The following HGF variants were observed in gnomAD, a reference collection of about 807,000 sequenced individuals.
HGF encodes fibroblast-derived tumor cytotoxic factor.
HGF carries 39 observed loss-of-function variants against 111.6 expected under a neutral mutation model. The observed-to-expected ratio is 0.35, with a 90% CI of 0.27 to 0.46. The LOEUF is 0.46. Among genes scored for constraint, HGF ranks in the 20% least tolerant of loss-of-function variants. The pLI, the probability that HGF is intolerant of heterozygous loss-of-function variation, is 1.00. For missense variants in HGF, 735 were observed against 910.5 expected (o/e 0.81, Z 2.48); for synonymous variants, 285 against 294.8 (o/e 0.97, Z 0.34).
rs1332434899 is a variant in HGF at position 81,706,333 on chromosome 7, C to A, written c.1711G>T (p.Val571Leu). Reference protein sequence around the residue: ...CKQVLNVSQLVYGPEGSDLVL... With the variant: ...CKQVLNVSQLLYGPEGSDLVL... ...AGATCTGATCCTTCAGGGCCATATA[C>A]CAGCTGGGAAACATTGAGAACCTGT... is the stretch of plus-strand genomic sequence containing the variant. Residue 571 changes from valine to leucine, a missense_variant, in exon 15 of 18, where the codon GTA (valine) becomes TTA (leucine). By Grantham distance (32) the Val-to-Leu change is conservative. Transcript: ENST00000222390. 6.2e-7 allele frequency: 1 copy of A among 1,612,528 alleles called. No homozygotes were observed. The highest frequency in any genetic ancestry group is 8.5e-7 in the Non-Finnish European group (1 of 1,178,988).
rs368271908 is a variant in HGF, at chr7:81,736,894, GGT to G, written c.865+6457_865+6458del. Among the ~76,000 whole-genome samples the G allele has an allele frequency of 1.3e-3, 178 of 141,990 alleles. 1 individual carries two copies. Among genetic ancestry groups the G allele is most frequent in the Middle Eastern group, 7.1e-3 (2 of 282 alleles). The allele number at this position is 141,990 out of a possible 152,430, so 93.2% of individuals were successfully genotyped here. On this transcript the variant is annotated intron_variant, in intron 7 of 17. Transcript: ENST00000222390. The stretch of plus-strand genomic sequence containing the variant: ...AGGGTTTTTAATTTATGTGTAGAGG[GGT>G]GTGTGTGTGTGTGTGTGTGTGTGTG...
intron 7 of HGF, among the ~76,000 whole-genome samples, chr7:81,732,628 T>C (rs915687903): frequency 7.2e-5 from 11 of 152,124 alleles, no homozygotes; most frequent in Non-Finnish European, 1.6e-4. Flanking sequence ...AGTGGAAATA[T>C]ACCTTATAAA....
chr7:81,712,884 T>C (rs1021673647), intron 11 of HGF, among the ~76,000 whole-genome samples: 5 of 152,194 alleles, frequency 3.3e-5, no homozygotes, highest in Non-Finnish European at 4.4e-5. Flanking sequence ...ATATTTTAAA[T>C]GAATAGGTTA....
intron 5 of HGF, among the ~76,000 whole-genome samples, chr7:81,750,643 G>A (rs374349217): frequency 3.3e-5 from 5 of 152,154 alleles, no homozygotes; most frequent in African/African-American, 9.6e-5. Flanking sequence ...TTATAAACCC[G>A]TAGTGGAAAA....
Position 81,761,341 on chromosome 7 carries a change from A to T in HGF, c.254+1366T>A, listed in dbSNP as rs141329927. On this transcript the variant is annotated intron_variant, in intron 2 of 17. Coordinates refer to ENST00000222390, the MANE Select transcript of HGF (RefSeq NM_000601.6). Reference sequence around the variant, plus strand: ...TGGCAGTTTCACTCTAGAAATGGAAAGCAGACAGTCTTTCCTCAACCTAAA... The same window carrying T: ...TGGCAGTTTCACTCTAGAAATGGAATGCAGACAGTCTTTCCTCAACCTAAA... 9.2e-4 allele frequency among the ~76,000 whole-genome samples: 140 copies of T among 152,354 alleles called. 1 individual carries two copies. Among genetic ancestry groups the T allele is most frequent in the African/African-American group, 3.3e-3 (136 of 41,584 alleles).
chr7:81,736,826 G>C (rs2115972753), intron 7 of HGF: 1 of 439,122 alleles, frequency 2.3e-6, no homozygotes. Context: ...GGTAACAGAT[G>C]GTTATGTTTT....
intron 17 of HGF, 82 bp from the exon 18 acceptor site, chr7:81,702,839 C>T: frequency 8.8e-7 from 1 of 1,136,822 alleles, no homozygotes; most frequent in Non-Finnish European, 1.3e-6. Flanking sequence ...AGATTTGCAT[C>T]TCAGAGATAT....
At chr7:81,767,691 G>A (rs552160994) in intron 1 of HGF, among the ~76,000 whole-genome samples, 1 of 152,224 alleles carries the variant, frequency 6.6e-6, no homozygotes, top group South Asian at 2.1e-4. Context: ...TTTTAAAAAA[G>A]TATCTCCATA....
chr7:81,753,505 T>C (rs2116137024), intron 4 of HGF, among the ~76,000 whole-genome samples: 1 of 152,128 alleles, frequency 6.6e-6, no homozygotes, highest in Non-Finnish European at 1.5e-5. Flanking sequence ...TCCTACCCAA[T>C]GAAACTTCTA....
chr7:81,767,392 T>C (rs1442464093), intron 1 of HGF, among the ~76,000 whole-genome samples: 1 of 152,202 alleles, frequency 6.6e-6, no homozygotes, highest in Non-Finnish European at 1.5e-5. Context: ...ACTGAGGTCT[T>C]TGAACCGGCT....
At chr7:81,753,156 C>T (rs1173365379) in intron 4 of HGF, among the ~76,000 whole-genome samples, 1 of 151,958 alleles carries the variant, frequency 6.6e-6, no homozygotes, top group Non-Finnish European at 1.5e-5. Flanking sequence ...TTTCTAGTGC[C>T]CTACTCTTAG....
At chr7:81,705,248 CAG>C (rs1339009053) in intron 17 of HGF, 140 bp downstream of exon 17, 2 of 754,252 alleles carry the variant, frequency 2.7e-6, no homozygotes, top group East Asian at 5.3e-5. Context: ...CAGAATATTA[CAG>C]AGTTAATTTT....
Position 81,752,233 on chromosome 7 carries a change from T to A in HGF, c.512A>T (p.Asp171Val), listed in dbSNP as rs2116123332. 1 of 1,613,542 alleles carries A rather than the reference T, an allele frequency of 6.2e-7. No individual in the cohort carries two copies. Among genetic ancestry groups the A allele is most frequent in the Non-Finnish European group, 8.5e-7 (1 of 1,179,538 alleles). ...ATTTCGACAGTAGTTTTCCTGTAGGTCTTTACCCCGATAGCTCGAAGGCAA... is the reference window on the plus strand; with the variant it reads ...ATTTCGACAGTAGTTTTCCTGTAGGACTTTACCCCGATAGCTCGAAGGCAA... ...SFLPSSYRGK[D>V]LQENYCRNPR... The change falls in exon 5 of 18, where the codon GAC becomes GTC. Residue 171 changes from aspartate to valine, a missense_variant. By Grantham distance (152) the Asp-to-Val change is radical. This residue lies in a region of HGF where 553 missense variants were observed against 685.6 expected (regional missense o/e 0.81). Coordinates refer to ENST00000222390, the MANE Select transcript of HGF (RefSeq NM_000601.6).
intron 10 of HGF, 61 bp from the exon 11 acceptor site, chr7:81,717,426 T>A: frequency 6.8e-7 from 1 of 1,465,814 alleles, no homozygotes; most frequent in Admixed American, 1.7e-5. Flanking sequence ...AGACACAAAA[T>A]ATTACAAAAA....
At chr7:81,728,501 G>GT (rs1790079032) in intron 8 of HGF, among the ~76,000 whole-genome samples, 1 of 152,028 alleles carries the variant, frequency 6.6e-6, no homozygotes, top group African/African-American at 2.4e-5. Context: ...CTGTTTCTTT[G>GT]TTTTTTCTAC....
At chr7:81,723,370 A>G (rs923011172) in intron 9 of HGF, among the ~76,000 whole-genome samples, 29 of 152,136 alleles carry the variant, frequency 1.9e-4, no homozygotes, top group Middle Eastern at 3.2e-3. Context: ...GATGAAAATA[A>G]AGACAGAAAT....
Position 81,713,023 on chromosome 7 carries a change from C to A in HGF, c.1406-1504G>T, listed in dbSNP as rs142163767. ...TTAAGATTGAGGCGGACTATGGTAA[C>A]AAAACTTCAAGGATATTGGTTTTCC... On this transcript the variant is annotated intron_variant, in intron 11 of 17. Transcript: ENST00000222390. 2.2e-4 allele frequency among the ~76,000 whole-genome samples: 33 copies of A among 152,146 alleles called. No individual in the cohort carries two copies. In the East Asian group the frequency reaches 6.4e-3, roughly 29 times the overall value.
At chr7:81,718,994 A>T (rs186830150) in intron 10 of HGF, among the ~76,000 whole-genome samples, 89 of 152,286 alleles carry the variant, frequency 5.8e-4, no homozygotes, top group African/African-American at 1.8e-3. Flanking sequence ...AATCCTCAGG[A>T]TAAAATTTAG....
chr7:81,708,595 C>T (rs1227421350), intron 13 of HGF, among the ~76,000 whole-genome samples: 1 of 118,456 alleles, frequency 8.4e-6, no homozygotes, highest in East Asian at 2.9e-4. Context: ...AGGCATGTGC[C>T]ACCATGCCCG....
Sources: gnomAD v4.1 joint callset for allele counts (sites outside exome capture counted in the v4.1 genomes callset) on GRCh38, gnomAD v4.1.1 for gene constraint, gnomAD v4.1.1 regional missense constraint, MANE v1.5 for transcripts, NCBI Gene and HGNC (gene_info 2026-07-23, HGNC 2026-07-21) for gene names.